The following BICDL1 variants were observed in gnomAD, a reference collection of about 807,000 sequenced individuals.
BICDL1 encodes the protein BICD family like cargo adaptor 1.
Under a neutral mutation model 76.8 loss-of-function variants are expected in BICDL1, and 20 were observed. That is an observed-to-expected ratio of 0.26 (90% confidence interval 0.18 to 0.38). The LOEUF is 0.38. Ranked by LOEUF, BICDL1 falls within the 10% of genes least tolerant of loss-of-function variation. BICDL1 has a pLI of 1.00. For synonymous variants in BICDL1, 383 were observed against 337.1 expected, an observed-to-expected ratio of 1.14 and a Z score of -1.49; for missense variants, 700 against 798.6, an observed-to-expected ratio of 0.88 and a Z score of 1.49.
At chr12:120,092,503 C>A in intron 9 of BICDL1, 1 of 985,472 alleles carries the variant, frequency 1.0e-6, no homozygotes, top group Non-Finnish European at 1.2e-6. Context: ...GTAGCTCAGG[C>A]TGGAATAATT....
At chr12:120,022,034 G>T (rs1176242424) in intron 2 of BICDL1, among the ~76,000 whole-genome samples, 3 of 146,556 alleles carry the variant, frequency 2.0e-5, no homozygotes, top group African/African-American at 7.5e-5. Context: ...AAAACAAAAA[G>T]ACAACCAAAA....
chr12:120,072,378 C>A (rs1347251944), intron 5 of BICDL1, 133 bp from the exon 6 acceptor site: 47 of 743,120 alleles, frequency 6.3e-5, no homozygotes, highest in African/African-American at 1.2e-4. Context: ...AAAAAAAAAA[C>A]ACAGAACAAA....
At chr12:120,002,720 C>G (rs112637199) in intron 2 of BICDL1, among the ~76,000 whole-genome samples, 95 of 152,252 alleles carry the variant, frequency 6.2e-4, no homozygotes, top group Middle Eastern at 6.8e-3. Context: ...GTGGAGAACA[C>G]AAGTCCTCTG....
chr12:120,010,678 A>AG (rs1177442147), intron 2 of BICDL1, among the ~76,000 whole-genome samples: 1 of 152,170 alleles, frequency 6.6e-6, no homozygotes, highest in Non-Finnish European at 1.5e-5. Flanking sequence ...CTTCAACCTG[A>AG]GCATTTTAAT....
intron 2 of BICDL1, among the ~76,000 whole-genome samples, chr12:120,028,117 T>A (rs1952345944): frequency 6.6e-6 from 1 of 152,242 alleles, no homozygotes; most frequent in South Asian, 2.1e-4. Flanking sequence ...TTTCTCTCAA[T>A]GTCTGATCAT....
intron 1 of BICDL1, among the ~76,000 whole-genome samples, chr12:119,996,351 A>T (rs1488880015): frequency 6.6e-6 from 1 of 152,204 alleles, no homozygotes; most frequent in Non-Finnish European, 1.5e-5. Flanking sequence ...TTCAAAAGTC[A>T]CTCAACAAAG....
chr12:120,028,814 C>G (rs1236556405), intron 2 of BICDL1, among the ~76,000 whole-genome samples: 2 of 149,760 alleles, frequency 1.3e-5, no homozygotes, highest in African/African-American at 4.9e-5. Context: ...CCCAGGAGTT[C>G]AAGTCTAGCC....
chr12:120,019,398 G>A (rs1952134378), intron 2 of BICDL1: 1 of 152,140 alleles, frequency 6.6e-6, no homozygotes, highest in Non-Finnish European at 1.5e-5. Context: ...AAAGCTGAAA[G>A]GACTATGAAG....
chr12:120,076,243 T>C (rs1304317937), intron 7 of BICDL1, among the ~76,000 whole-genome samples: 1 of 152,226 alleles, frequency 6.6e-6, no homozygotes, highest in African/African-American at 2.4e-5. Context: ...ACCTAAGTTC[T>C]TCAGCGGGTA....
In BICDL1 at chr12:120,093,158, T is replaced by TTAAG; in HGVS notation, c.1865_*2dup. 2 of 1,594,350 alleles carry TTAAG rather than the reference T, an allele frequency of 1.3e-6. No homozygotes were observed. The highest frequency in any genetic ancestry group is 1.7e-6 in the Non-Finnish European group (2 of 1,170,018). On this transcript the variant is annotated frameshift_variant and stop_retained_variant, in exon 10 of 10. Transcript: ENST00000548673. LOFTEE classifies it high-confidence loss of function. ...GACTCTTCTCATTCTTCAGGAAAAT[T>TTAAG]TAAGTTGGGAGGAGTCAGGCCACCA...
At chr12:120,027,943 G>A (rs1594135867) in intron 2 of BICDL1, among the ~76,000 whole-genome samples, 3 of 152,168 alleles carry the variant, frequency 2.0e-5, no homozygotes, top group South Asian at 2.1e-4. Context: ...GCACCACAAC[G>A]TTGATCGTTG....
rs1263447094 is a variant in BICDL1, at chr12:120,079,256, C to T, written c.1453-1631C>T. On this transcript the variant is annotated intron_variant, in intron 7 of 9. Coordinates refer to ENST00000548673, the MANE Select transcript of BICDL1 (RefSeq NM_001367886.1). The surrounding 1 kb of genome is among the most constrained non-coding windows in gnomAD (Gnocchi z 4.3). ...ACTGTTGGGTGTCCTCTGAATTCCT[C>T]CAGAGTGGCTGCTACCCCAGGGGCT... is the stretch of plus-strand genomic sequence containing the variant. 6.6e-6 allele frequency among the ~76,000 whole-genome samples: 1 copy of T among 152,202 alleles called. No individual in the cohort carries two copies. Among genetic ancestry groups the T allele is most frequent in the Non-Finnish European group, 1.5e-5 (1 of 68,038 alleles).
chr12:119,994,669 T>C (rs1288215711), intron 1 of BICDL1, among the ~76,000 whole-genome samples: 1 of 152,180 alleles, frequency 6.6e-6, no homozygotes, highest in East Asian at 1.9e-4. Flanking sequence ...TTTGTATTTT[T>C]AGTAGAGACG....
chr12:119,991,914 TGTTA>T (rs1033853504), intron 1 of BICDL1, among the ~76,000 whole-genome samples: 8 of 152,250 alleles, frequency 5.3e-5, no homozygotes, highest in Non-Finnish European at 8.8e-5. Flanking sequence ...TTTGACATTT[TGTTA>T]TTTACTTAAT....
chr12:120,065,857 G>A (rs2138918495), intron 4 of BICDL1, among the ~76,000 whole-genome samples: 1 of 152,302 alleles, frequency 6.6e-6, no homozygotes, highest in East Asian at 1.9e-4. Context: ...CTTGTCCCTG[G>A]CACCATCAGC....
intron 2 of BICDL1, among the ~76,000 whole-genome samples, chr12:120,059,431 A>G (rs1368858034): frequency 6.6e-6 from 1 of 152,150 alleles, no homozygotes; most frequent in Non-Finnish European, 1.5e-5. Flanking sequence ...GCATGCCACC[A>G]TGCCCAGCTA....
intron 2 of BICDL1, among the ~76,000 whole-genome samples, chr12:120,050,071 T>G (rs976556696): frequency 8.5e-5 from 13 of 152,212 alleles, no homozygotes; most frequent in African/African-American, 3.1e-4. Context: ...TGGGGAGCAC[T>G]TCTTCATGTG....
intron 8 of BICDL1, among the ~76,000 whole-genome samples, chr12:120,082,705 C>A (rs1300482414): frequency 6.6e-6 from 1 of 152,102 alleles, no homozygotes; most frequent in Non-Finnish European, 1.5e-5. Flanking sequence ...TCCTCAGCCT[C>A]CCAAGTAGCT....
chr12:120,036,844 C>T (rs967783786), intron 2 of BICDL1, among the ~76,000 whole-genome samples: 1 of 152,132 alleles, frequency 6.6e-6, no homozygotes, highest in African/African-American at 2.4e-5. Flanking sequence ...CCACTGTGCT[C>T]CAGCCTGGGT....
Sources: gnomAD v4.1 joint callset for allele counts (sites outside exome capture counted in the v4.1 genomes callset) on GRCh38, gnomAD v4.1.1 for gene constraint, Gnocchi (gnomAD v3.1) non-coding constraint, MANE v1.5 for transcripts, NCBI Gene and HGNC (gene_info 2026-07-23, HGNC 2026-07-21) for gene names.